BAG3: variants seen among roughly 807,000 people sequenced by gnomAD.
BAG3 encodes the protein BAG cochaperone 3.
A neutral mutation model predicts 40.5 loss-of-function variants in BAG3; 14 were observed. That is an observed-to-expected ratio of 0.35 (90% CI 0.23 to 0.54). The LOEUF is 0.54. BAG3 is among the 20% of genes least tolerant of loss of function. The pLI, the probability that BAG3 is intolerant of heterozygous loss-of-function variation, is 0.91. For missense variants in BAG3, 788 were observed against 758.6 expected (o/e 1.04, Z -0.46); for synonymous variants, 302 against 307.8 (o/e 0.98, Z 0.20).
chr10:119,662,226 G>GTTTTTTTTTTTTT (rs869230141), intron 1 of BAG3, among the ~76,000 whole-genome samples: 25 of 84,096 alleles, frequency 3.0e-4, no homozygotes, highest in African/African-American at 4.9e-4. Context: ...TTTTTTTTTT[G>GTTTTTTTTTTTTT]TTTTTTTTTT....
chr10:119,675,513 C>T lies in BAG3; in HGVS notation c.910-951C>T, dbSNP rs563865356. On this transcript the variant is annotated intron_variant, in intron 3 of 3. Coordinates refer to ENST00000369085, the MANE Select transcript of BAG3 (RefSeq NM_004281.4). ...CATCTTGGCTAATCCTAAAAAAATA[C>T]ATTGGTCTGGGCAGAAACTACTAGG... 5.3e-5 allele frequency among the ~76,000 whole-genome samples: 8 copies of T among 152,266 alleles called. No homozygotes were observed. The South Asian group carries it at 1.4e-3, about 28-fold the overall frequency.
rs1423735156 is a variant in BAG3, at chr10:119,672,246, C to G, written c.508-9C>G. The stretch of plus-strand genomic sequence containing the variant: ...TGGGGTCATGCCCTCTACCCTGTGT[C>G]TCTTGCAGCGGTCCCAGTCTCCAGC... On this transcript the variant is annotated splice_polypyrimidine_tract_variant and intron_variant, in intron 2 of 3. Transcript: ENST00000369085. The surrounding 1 kb of genome is among the most constrained non-coding windows in gnomAD (Gnocchi z 4.8). 6.2e-7 allele frequency: 1 copy of G among 1,612,212 alleles called. No individual in the cohort carries two copies. Among genetic ancestry groups the G allele is most frequent in the Non-Finnish European group, 8.5e-7 (1 of 1,180,022 alleles).
intron 1 of BAG3, among the ~76,000 whole-genome samples, chr10:119,656,080 T>C (rs1265414781): frequency 6.6e-6 from 1 of 152,218 alleles, no homozygotes; most frequent in Non-Finnish European, 1.5e-5. Flanking sequence ...AAAAATGATG[T>C]TCTGATGTTT....
chr10:119,672,206 CA>C lies in BAG3; in HGVS notation c.508-48del, dbSNP rs770048996. On this transcript the variant is annotated intron_variant, in intron 2 of 3. Coordinates refer to ENST00000369085, the MANE Select transcript of BAG3 (RefSeq NM_004281.4). The surrounding 1 kb of genome is among the most constrained non-coding windows in gnomAD (Gnocchi z 4.8). ...AGAAGGCGTGGTCAGGATGCCAAGC[CA>C]GGGGAGTCATTTGTGGGGTCATGCC... 20 of 1,607,688 alleles carry C rather than the reference CA, an allele frequency of 1.2e-5. No homozygotes were observed. The Admixed American group carries it at 3.3e-4, about 27-fold the overall frequency.
intron 1 of BAG3, among the ~76,000 whole-genome samples, chr10:119,665,092 T>TCTGTGTG (rs34372634): frequency 0.027 from 2,367 of 87,762 alleles, 110 homozygotes; most frequent in Non-Finnish European, 0.041. Context: ...TAATTTTTGT[T>TCTGTGTG]TGTGTGTGTG....
intron 1 of BAG3, among the ~76,000 whole-genome samples, 159 bp from the exon 2 acceptor site, chr10:119,669,692 T>C (rs1219141524): frequency 2.6e-5 from 4 of 151,906 alleles, no homozygotes; most frequent in African/African-American, 9.7e-5. Context: ...CTCTATGGGG[T>C]GGGGGGTTTG....
intron 3 of BAG3, among the ~76,000 whole-genome samples, chr10:119,675,761 T>TTACTTCCC (rs1847209746): frequency 1.2e-5 from 1 of 81,200 alleles, no homozygotes; most frequent in Non-Finnish European, 2.5e-5. Flanking sequence ...CTTTCCTTCC[T>TTACTTCCC]TCCTTCCCTC....
intron 1 of BAG3, chr10:119,657,424 CTG>C (rs1236965690): frequency 9.4e-6 from 4 of 424,842 alleles, no homozygotes; most frequent in Non-Finnish European, 4.9e-6. Context: ...GGGGCAGAGT[CTG>C]TGTGCTTCAT....
In BAG3 at chr10:119,665,799, G is replaced by GT. The variant is rs1163874054; in HGVS notation, c.181-4050dup. Among the ~76,000 whole-genome samples, 1,152 of 151,794 alleles carry GT rather than the reference G, an allele frequency of 7.6e-3. 19 individuals are homozygous for GT. The highest frequency in any genetic ancestry group is 0.027 in the African/African-American group (1,114 of 41,314). On this transcript the variant is annotated intron_variant, in intron 1 of 3. Coordinates refer to ENST00000369085, the MANE Select transcript of BAG3 (RefSeq NM_004281.4). Reference sequence around the variant, plus strand: ...TTATTTAAAGCAATTTTTTGTTGTTGTTGTTTTTTTTTAAACAAAACCCCA... The same window carrying GT: ...TTATTTAAAGCAATTTTTTGTTGTTGTTTGTTTTTTTTTAAACAAAACCCCA...
rs1554877016 is a variant in BAG3 at position 119,669,975 on chromosome 10, G to A, written c.305G>A (p.Gly102Asp). ...GYIPIPVLHE[G>D]AENRQVHPFH... ...ATTCCCATTCCTGTGCTCCATGAAGGCGCTGAGAACCGGCAGGTGCACCCT... is the reference window on the plus strand; with the variant it reads ...ATTCCCATTCCTGTGCTCCATGAAGACGCTGAGAACCGGCAGGTGCACCCT... Residue 102 changes from glycine (G) to aspartate (D), a missense_variant, in exon 2 of 4, where the codon GGC becomes GAC. By Grantham distance (94) the Gly-to-Asp change is moderately conservative. Transcript: ENST00000369085. The A allele has an allele frequency of 6.2e-7, 1 of 1,614,116 alleles. No homozygotes were observed.
chr10:119,663,193 G>A (rs1406660803), intron 1 of BAG3, among the ~76,000 whole-genome samples: 3 of 152,240 alleles, frequency 2.0e-5, no homozygotes, highest in Non-Finnish European at 4.4e-5. Flanking sequence ...CGCCTCTCTA[G>A]GCAGACACCT....
At chr10:119,659,574 C>T (rs769191164) in intron 1 of BAG3, among the ~76,000 whole-genome samples, 3 of 152,178 alleles carry the variant, frequency 2.0e-5, no homozygotes, top group Non-Finnish European at 4.4e-5. Context: ...GGAGCAGAGC[C>T]CCCCCGGGAC....
Position 119,676,689 on chromosome 10 carries a change from G to A in BAG3, c.1135G>A (p.Gly379Ser), listed in dbSNP as rs886951707. Residue 379 changes from glycine (G) to serine (S), a missense_variant, in exon 4 of 4, where the codon GGC becomes AGC. Coordinates refer to ENST00000369085, the MANE Select transcript of BAG3 (RefSeq NM_004281.4). ...APVPCPPPSPGPSAVPSSPKS... is the reference protein window; with the variant it reads ...APVPCPPPSPSPSAVPSSPKS... ...AGTTCCTTGTCCTCCTCCCAGCCCT[G>A]GCCCTTCTGCTGTCCCCTCTTCCCC... The A allele has an allele frequency of 6.2e-7, 1 of 1,614,120 alleles. No individual in the cohort carries two copies. Among genetic ancestry groups the A allele is most frequent in the Admixed American group, 1.7e-5 (1 of 60,014 alleles).
intron 1 of BAG3, among the ~76,000 whole-genome samples, chr10:119,667,807 C>T (rs1197461678): frequency 6.6e-6 from 1 of 152,104 alleles, no homozygotes; most frequent in Non-Finnish European, 1.5e-5. Context: ...GGCTTTTGTG[C>T]GTGGCTGGGA....
At chr10:119,671,208 T>C (rs894141931) in intron 2 of BAG3, among the ~76,000 whole-genome samples, 3 of 152,104 alleles carry the variant, frequency 2.0e-5, no homozygotes, top group African/African-American at 4.8e-5. Context: ...CTCAGGAGGC[T>C]GAGGCAGGAG....
In BAG3 at chr10:119,651,477, C is replaced by T; in HGVS notation, c.-199C>T. 1 of 451,302 alleles carries T rather than the reference C, an allele frequency of 2.2e-6. No homozygotes were observed. The highest frequency in any genetic ancestry group is 3.8e-6 in the Non-Finnish European group (1 of 264,168). The allele number at this position is 451,302 out of a possible 1,614,324, so 28.0% of individuals were successfully genotyped here. A position where few individuals can be genotyped will look rare whatever the true frequency, so the allele number is the denominator to read the frequency against. ...CCTTTATCTCCTCCTTCCCCTCTGGCAGCGAGGAGGCTATTTCCAGACACT... is the reference window on the plus strand; with the variant it reads ...CCTTTATCTCCTCCTTCCCCTCTGGTAGCGAGGAGGCTATTTCCAGACACT... On this transcript the variant is annotated 5_prime_UTR_variant, in exon 1 of 4. Transcript: ENST00000369085.
At chr10:119,657,206 C>T (rs1052046138) in intron 1 of BAG3, among the ~76,000 whole-genome samples, 2 of 152,190 alleles carry the variant, frequency 1.3e-5, no homozygotes, top group Non-Finnish European at 1.5e-5. Flanking sequence ...ACTGAGTGCC[C>T]ACAGTGTGCG....
Position 119,676,907 on chromosome 10 carries a change from C to T in BAG3, c.1353C>T (p.Tyr451=). ...NFEGKKTDKK[Y]LMIEEYLTKE... ...AAGGCAAGAAGACTGACAAAAAGTA[C>T]CTGATGATCGAAGAGTATTTGACCA... is the stretch of plus-strand genomic sequence containing the variant. The change falls in exon 4 of 4, where the codon TAC becomes TAT. Residue 451 remains tyrosine (Y), a synonymous_variant. Transcript: ENST00000369085. 1.2e-6 allele frequency: 2 copies of T among 1,614,164 alleles called. No homozygotes were observed. Among genetic ancestry groups the T allele is most frequent in the South Asian group, 1.1e-5 (1 of 91,086 alleles).
chr10:119,656,055 T>G (rs1846905097), intron 1 of BAG3, among the ~76,000 whole-genome samples: 1 of 152,238 alleles, frequency 6.6e-6, no homozygotes, highest in South Asian at 2.1e-4. Flanking sequence ...TGTTTATTAC[T>G]TTCTATTGAC....
Sources: gnomAD v4.1 joint callset for allele counts (sites outside exome capture counted in the v4.1 genomes callset) on GRCh38, gnomAD v4.1.1 for gene constraint, Gnocchi (gnomAD v3.1) non-coding constraint, MANE v1.5 for transcripts, NCBI Gene and HGNC (gene_info 2026-07-23, HGNC 2026-07-21) for gene names.